Variants in DNAJC3 observed in about 807,000 individuals in gnomAD.
DNAJC3 encodes dnaJ homolog subfamily C member 3.
DNAJC3 carries 38 observed loss-of-function variants against 68.6 expected under a neutral mutation model. The ratio of observed to expected loss-of-function variants is 0.55; its 90% CI spans 0.43 to 0.73. The LOEUF is 0.73. Among genes scored for constraint, DNAJC3 ranks in the 30% least tolerant of loss-of-function variants. The pLI, the probability that DNAJC3 is intolerant of heterozygous loss-of-function variation, is 0.00. For missense variants in DNAJC3, 526 were observed against 591.9 expected (o/e 0.89, Z 1.16); for synonymous variants, 203 against 204.0 (o/e 1.00, Z 0.04).
chr13:95,768,682 A>G (rs1193677856), intron 9 of DNAJC3, among the ~76,000 whole-genome samples: 1 of 152,212 alleles, frequency 6.6e-6, no homozygotes, highest in East Asian at 1.9e-4. Flanking sequence ...TCTGTGTTCA[A>G]AATTTATACC....
intron 9 of DNAJC3, among the ~76,000 whole-genome samples, chr13:95,764,342 A>G (rs1183790098): frequency 7.3e-6 from 1 of 137,044 alleles, no homozygotes; most frequent in East Asian, 2.2e-4. Flanking sequence ...ATGCACATAT[A>G]CATATTCTCT....
chr13:95,696,751 G>GT (rs1236225284), intron 1 of DNAJC3, among the ~76,000 whole-genome samples: 366 of 144,440 alleles, frequency 2.5e-3, no homozygotes, highest in Middle Eastern at 3.7e-3. Flanking sequence ...TGTGTCTTGT[G>GT]TTTTTTTTTT....
Position 95,725,250 on chromosome 13 carries a change from G to T in DNAJC3, c.391G>T (p.Val131Leu). 6.3e-7 allele frequency: 1 copy of T among 1,590,560 alleles called. No individual in the cohort carries two copies. Among genetic ancestry groups the T allele is most frequent in the Non-Finnish European group, 8.5e-7 (1 of 1,171,236 alleles). The change falls in exon 4 of 12, where the codon GTG (valine) becomes TTG (leucine). Residue 131 changes from valine (V) to leucine (L), a missense_variant and splice_region_variant. By Grantham distance (32) the Val-to-Leu change is conservative. Transcript: ENST00000602402. ...LDEAEDDFKKVLKSNPSENEE... is the reference protein window; with the variant it reads ...LDEAEDDFKKLLKSNPSENEE... ...TGAAGCAGAAGATGATTTTAAAAAA[G>T]TGGTAAGTTCAATATGTATTTGACT...
chr13:95,786,209 T>A, intron 10 of DNAJC3, 138 bp downstream of exon 10: 1 of 967,626 alleles, frequency 1.0e-6, no homozygotes, highest in Non-Finnish European at 1.5e-6. Context: ...TAACAGTCTT[T>A]AACATTAGAA....
intron 1 of DNAJC3, among the ~76,000 whole-genome samples, chr13:95,682,192 G>T (rs1413731757): frequency 1.3e-5 from 2 of 152,178 alleles, no homozygotes; most frequent in East Asian, 3.8e-4. Flanking sequence ...ACTGTCTTCT[G>T]TGTTTCTGCT....
At chr13:95,757,073 T>C (rs965730629) in intron 4 of DNAJC3, among the ~76,000 whole-genome samples, 16 of 151,996 alleles carry the variant, frequency 1.1e-4, no homozygotes, top group African/African-American at 3.6e-4. Flanking sequence ...TGCAGATCTC[T>C]TAAAGCCACA....
At chr13:95,687,464 T>C (rs1880100923) in intron 1 of DNAJC3, among the ~76,000 whole-genome samples, 2 of 152,230 alleles carry the variant, frequency 1.3e-5, no homozygotes, top group Admixed American at 6.5e-5. Flanking sequence ...TTAGGGTGAA[T>C]GCTTTCAGCT....
chr13:95,763,535 CATCCA>C, intron 7 of DNAJC3, 103 bp from the exon 8 acceptor site: 1 of 984,804 alleles, frequency 1.0e-6, no homozygotes, highest in Non-Finnish European at 1.5e-6. Flanking sequence ...GCCATGGGCT[CATCCA>C]ATTGGATTGA....
rs770567955 is a variant in DNAJC3, at chr13:95,790,953, A to C, written c.1438A>C (p.Arg480=). Residue 480 remains arginine (R), a synonymous_variant, in exon 12 of 12, where the codon AGA becomes CGA. Coordinates refer to ENST00000602402, the MANE Select transcript of DNAJC3 (RefSeq NM_006260.5). ...QQGGGGNPFH[R]SWNSWQGFNP... is the part of the protein sequence containing the mutation. ...AGGAGGCGGCGGCAACCCTTTCCAC[A>C]GAAGCTGGAACTCATGGCAAGGGTT... 1.3e-5 allele frequency: 21 copies of C among 1,610,642 alleles called. 2 individuals carry two copies. Among genetic ancestry groups the C allele is most frequent in the Non-Finnish European group, 8.5e-7 (1 of 1,179,304 alleles).
At chr13:95,753,269 C>T (rs758729934) in intron 4 of DNAJC3, among the ~76,000 whole-genome samples, 10 of 152,124 alleles carry the variant, frequency 6.6e-5, no homozygotes, top group South Asian at 2.1e-4. Context: ...TTAATTCAGT[C>T]GCTCACCCCC....
At chr13:95,713,070 A>G (rs1881025152) in intron 2 of DNAJC3, among the ~76,000 whole-genome samples, 1 of 152,098 alleles carries the variant, frequency 6.6e-6, no homozygotes, top group Admixed American at 6.5e-5. Context: ...CCCTTCTGCC[A>G]TGATTGTAAA....
At position 95,709,582 on chromosome 13, in the gene DNAJC3, A is replaced by G. The variant is rs375848039; in HGVS notation, c.193+245A>G. 1.5e-4 allele frequency among the ~76,000 whole-genome samples: 23 copies of G among 150,670 alleles called. No individual in the cohort carries two copies. The East Asian group carries it at 4.5e-3, about 29-fold the overall frequency. The stretch of plus-strand genomic sequence containing the variant: ...CTGCTACTACCAAGGATAACTCAAG[A>G]TATTTCTGACAAACAGCTTTTCTCA... On this transcript the variant is annotated intron_variant, in intron 2 of 11. Coordinates refer to ENST00000602402, the MANE Select transcript of DNAJC3 (RefSeq NM_006260.5).
chr13:95,793,959 A>G lies in DNAJC3; in HGVS notation c.*2929A>G, dbSNP rs1228938580. On this transcript the variant is annotated 3_prime_UTR_variant, in exon 12 of 12. Transcript: ENST00000602402. ...CTAGAAGCATTGTGAAAAGGTTCCA[A>G]AACGGGAGACAAAATTTAATTCATT... is the stretch of plus-strand genomic sequence containing the variant. 1 of 152,192 alleles carries G rather than the reference A, an allele frequency of 6.6e-6. No homozygotes were observed. Among genetic ancestry groups the G allele is most frequent in the Non-Finnish European group, 1.5e-5 (1 of 68,040 alleles). 9.4% of individuals were successfully genotyped at this position (152,192 alleles called of 1,614,324 possible).
At chr13:95,751,628 TTAAAAAC>T (rs1358918364) in intron 4 of DNAJC3, among the ~76,000 whole-genome samples, 1 of 152,232 alleles carries the variant, frequency 6.6e-6, no homozygotes, top group East Asian at 1.9e-4. Flanking sequence ...AGTGGTTTGA[TTAAAAAC>T]TACAAGATGG....
chr13:95,766,927 C>T (rs1224126953), intron 9 of DNAJC3, among the ~76,000 whole-genome samples: 1 of 152,054 alleles, frequency 6.6e-6, no homozygotes, highest in African/African-American at 2.4e-5. Context: ...GTCTTGAACT[C>T]CTGACCTCGT....
At chr13:95,723,713 C>CTGT (rs1881419301) in intron 3 of DNAJC3, among the ~76,000 whole-genome samples, 1 of 152,116 alleles carries the variant, frequency 6.6e-6, no homozygotes, top group East Asian at 1.9e-4. Flanking sequence ...AGGTGACTGG[C>CTGT]AGCAGTTGCA....
intron 3 of DNAJC3, 60 bp from the exon 4 acceptor site, chr13:95,725,118 T>C (rs1366288753): frequency 8.4e-7 from 1 of 1,187,164 alleles, no homozygotes; most frequent in African/African-American, 1.6e-5. Flanking sequence ...TTCTTCGTGT[T>C]TAAAAAAGAT....
In DNAJC3 at chr13:95,791,402, A is replaced by G. The variant is rs564571679; in HGVS notation, c.*372A>G. 8 of 232,184 alleles carry G rather than the reference A, an allele frequency of 3.4e-5. No homozygotes were observed. In the East Asian group the frequency reaches 7.1e-4, roughly 21 times the overall value. The allele number at this position is 232,184 out of a possible 1,614,324, so 14.4% of individuals were successfully genotyped here. On this transcript the variant is annotated 3_prime_UTR_variant, in exon 12 of 12. Coordinates refer to ENST00000602402, the MANE Select transcript of DNAJC3 (RefSeq NM_006260.5). ...GTAAGTCAGTGCCTACAAGTGTAAG[A>G]AGGAGCTGTAATCTTCATGAGGATG...
chr13:95,780,410 A>T (rs1250395056), intron 9 of DNAJC3, among the ~76,000 whole-genome samples: 1 of 152,168 alleles, frequency 6.6e-6, no homozygotes, highest in Non-Finnish European at 1.5e-5. Flanking sequence ...TGGTTCCTGC[A>T]ATATGCAAGG....
Sources: allele counts gnomAD v4.1 joint callset (sites outside exome capture counted in the v4.1 genomes callset), GRCh38; gene constraint gnomAD v4.1.1; transcripts MANE v1.5; gene names NCBI Gene and HGNC (gene_info 2026-07-23, HGNC 2026-07-21).